HMCN1: variants seen among roughly 807,000 people sequenced by gnomAD.
HMCN1 encodes hemicentin-1.
A neutral mutation model predicts 625.9 loss-of-function variants in HMCN1; 321 were observed. That is an observed-to-expected ratio of 0.51 (90% CI 0.47 to 0.56). HMCN1 has a LOEUF of 0.56. Among genes scored for constraint, HMCN1 ranks in the 20% least tolerant of loss-of-function variants. The probability of loss-of-function intolerance (pLI) is 0.00; values close to 1 mark genes in which losing one functional copy is unlikely to be tolerated. For synonymous variants in HMCN1, 2,425 were observed against 2,417.6 expected, an observed-to-expected ratio of 1.00 and a Z score of -0.09; for missense variants, 6,588 against 6,887.3, an observed-to-expected ratio of 0.96 and a Z score of 1.54.
At chr1:185,860,664 T>C (rs938172796) in intron 2 of HMCN1, among the ~76,000 whole-genome samples, 2 of 152,152 alleles carry the variant, frequency 1.3e-5, no homozygotes, top group Non-Finnish European at 2.9e-5. Context: ...GCTTTGAGAC[T>C]TTTTGTTAGT....
At chr1:185,892,568 C>A (rs939478601) in intron 4 of HMCN1, among the ~76,000 whole-genome samples, 1 of 152,136 alleles carries the variant, frequency 6.6e-6, no homozygotes, top group Admixed American at 6.5e-5. Context: ...GAGTACCCAG[C>A]AGTGTGAGGT....
chr1:185,803,410 A>G (rs1460026164), intron 1 of HMCN1, among the ~76,000 whole-genome samples: 1 of 152,022 alleles, frequency 6.6e-6, no homozygotes, highest in Non-Finnish European at 1.5e-5. Flanking sequence ...AAAGATGAAT[A>G]TTTATCTGTG....
intron 86 of HMCN1, 37 bp from the exon 87 acceptor site, chr1:186,136,631 C>T (rs776811850): frequency 1.2e-6 from 2 of 1,608,252 alleles, no homozygotes; most frequent in Non-Finnish European, 1.7e-6. Context: ...TGCTGTAACT[C>T]CACAAAAACT....
chr1:185,985,171 AC>A (rs1485600133), intron 19 of HMCN1, among the ~76,000 whole-genome samples: 2 of 152,282 alleles, frequency 1.3e-5, no homozygotes, highest in Non-Finnish European at 1.5e-5. Flanking sequence ...AGCCTCTTCC[AC>A]CTTTCTCAGT....
chr1:185,737,413 G>T (rs1186458323), intron 1 of HMCN1, among the ~76,000 whole-genome samples: 1 of 152,162 alleles, frequency 6.6e-6, no homozygotes, highest in Admixed American at 6.5e-5. Flanking sequence ...GCCTCCCAAA[G>T]TGCTGGGATT....
intron 11 of HMCN1, among the ~76,000 whole-genome samples, chr1:185,960,177 G>A (rs1338500611): frequency 7.3e-6 from 1 of 137,360 alleles, no homozygotes; most frequent in African/African-American, 2.7e-5. Context: ...TCTCCAGGCT[G>A]GAGCTCAGTG....
At chr1:185,944,544 C>A (rs1668240838) in intron 11 of HMCN1, among the ~76,000 whole-genome samples, 3 of 152,162 alleles carry the variant, frequency 2.0e-5, no homozygotes, top group Admixed American at 2.0e-4. Context: ...GTAATCACAG[C>A]TCAATTTTAA....
intron 46 of HMCN1, among the ~76,000 whole-genome samples, chr1:186,059,409 G>C (rs749253565): frequency 1.1e-4 from 16 of 152,034 alleles, no homozygotes; most frequent in Non-Finnish European, 1.6e-4. Context: ...AAGTGAAAAA[G>C]GCAAGCTAAA....
chr1:185,796,689 GTACACACACTGCACATACATATA>G (rs1361542172), intron 1 of HMCN1, among the ~76,000 whole-genome samples: 1 of 151,616 alleles, frequency 6.6e-6, no homozygotes, highest in East Asian at 1.9e-4. Context: ...ACATACATAT[GTACACACACTGCACATACATATA>G]TACACACACT....
At chr1:186,049,967 A>G (rs1656838493) in intron 42 of HMCN1, among the ~76,000 whole-genome samples, 1 of 151,768 alleles carries the variant, frequency 6.6e-6, no homozygotes, top group South Asian at 2.1e-4. Context: ...TACTACTTAT[A>G]TGTAATTAAC....
intron 17 of HMCN1, among the ~76,000 whole-genome samples, chr1:185,981,353 A>G: frequency 6.6e-6 from 1 of 151,910 alleles, no homozygotes; most frequent in South Asian, 2.1e-4. Context: ...CACACATATT[A>G]GAGTTGTGGT....
intron 64 of HMCN1, among the ~76,000 whole-genome samples, chr1:186,092,569 A>G (rs1164032575): frequency 2.0e-5 from 3 of 152,004 alleles, no homozygotes; most frequent in Admixed American, 6.6e-5. Context: ...CAATAATCTT[A>G]GCTTAGAGAT....
intron 1 of HMCN1, among the ~76,000 whole-genome samples, chr1:185,841,544 ATCT>A (rs1305379307): frequency 1.3e-5 from 2 of 152,156 alleles, no homozygotes; most frequent in African/African-American, 2.4e-5. Context: ...CCTAGGTTTA[ATCT>A]TCTTTCTTTT....
chr1:186,087,724 CT>C (rs1659594700), intron 60 of HMCN1, 79 bp downstream of exon 60: 1 of 1,351,324 alleles, frequency 7.4e-7, no homozygotes, highest in Admixed American at 1.7e-5. Context: ...TGCATATTCC[CT>C]TTTACTACAG....
At chr1:186,050,130 C>A (rs1431958597) in intron 42 of HMCN1, among the ~76,000 whole-genome samples, 1 of 150,036 alleles carries the variant, frequency 6.7e-6, no homozygotes, top group Non-Finnish European at 1.5e-5. Context: ...CCAATATGGA[C>A]AAGACACTAG....
chr1:185,902,741 TC>T (rs1160864334), intron 4 of HMCN1, among the ~76,000 whole-genome samples: 1 of 151,724 alleles, frequency 6.6e-6, no homozygotes, highest in African/African-American at 2.4e-5. Context: ...TGAAGTTTTT[TC>T]CTGCTTTCCA....
intron 11 of HMCN1, among the ~76,000 whole-genome samples, chr1:185,947,452 CAAGAG>C: frequency 6.6e-6 from 1 of 152,308 alleles, no homozygotes; most frequent in Non-Finnish European, 1.5e-5. Context: ...GCAGAAATAA[CAAGAG>C]AAGAAGTTTT....
At chr1:185,738,352 T>C (rs776323028) in intron 1 of HMCN1, among the ~76,000 whole-genome samples, 3 of 152,172 alleles carry the variant, frequency 2.0e-5, no homozygotes, top group Non-Finnish European at 4.4e-5. Flanking sequence ...CACTAATCTA[T>C]TTTTTTGCTT....
chr1:186,168,645 G>T (rs554959610), intron 100 of HMCN1, among the ~76,000 whole-genome samples: 1 of 152,092 alleles, frequency 6.6e-6, no homozygotes, highest in African/African-American at 2.4e-5. Flanking sequence ...TTGGAATATA[G>T]CAAGACAGAA....
Sources: gnomAD v4.1 joint callset for allele counts (sites outside exome capture counted in the v4.1 genomes callset) on GRCh38, gnomAD v4.1.1 for gene constraint, MANE v1.5 for transcripts, NCBI Gene and HGNC (gene_info 2026-07-23, HGNC 2026-07-21) for gene names.